The following LTBP1 variants were observed in gnomAD, a reference collection of about 807,000 sequenced individuals.
LTBP1 encodes latent transforming growth factor beta binding protein 1.
In LTBP1, 129 loss-of-function variants were observed where a neutral mutation model predicts 207.6. The observed-to-expected ratio is 0.62, with a 90% CI of 0.54 to 0.72. The LOEUF (loss-of-function observed/expected upper bound fraction) is 0.72. Ranked by LOEUF, LTBP1 falls within the 30% of genes least tolerant of loss-of-function variation. The pLI is 0.00. For synonymous variants in LTBP1, 963 were observed against 833.7 expected (o/e 1.16, Z -2.67); for missense variants, 2,281 against 2,217.2 (o/e 1.03, Z -0.58).
At chr2:33,055,895 C>A (rs1440360037) in intron 3 of LTBP1, among the ~76,000 whole-genome samples, 2 of 152,056 alleles carry the variant, frequency 1.3e-5, no homozygotes, top group African/African-American at 4.8e-5. Context: ...TCCTTCTGGG[C>A]AGGGGAGATG....
Position 33,275,820 on chromosome 2 carries a change from G to C in LTBP1, c.2889G>C (p.Arg963Ser). 6.2e-7 allele frequency: 1 copy of C among 1,614,054 alleles called. No homozygotes were observed. Among genetic ancestry groups the C allele is most frequent in the Middle Eastern group, 1.6e-4 (1 of 6,062 alleles). ...TNCIDVDECLRPDVCGEGHCV... is the reference protein window; with the variant it reads ...TNCIDVDECLSPDVCGEGHCV... ...TCGTAGATGTTGACGAATGCCTGAG[G>C]CCGGACGTCTGTGGGGAGGGGCACT... Residue 963 changes from arginine to serine, a missense_variant, in exon 18 of 34, where the codon AGG becomes AGC. Transcript: ENST00000404816.
At chr2:33,270,200 G>A (rs951124813) in intron 15 of LTBP1, among the ~76,000 whole-genome samples, 26 of 151,786 alleles carry the variant, frequency 1.7e-4, no homozygotes, top group Middle Eastern at 3.2e-3. Context: ...GATTACAGAC[G>A]TGAGCCACTG....
At chr2:33,102,575 C>T (rs913238682) in intron 3 of LTBP1, among the ~76,000 whole-genome samples, 2 of 152,050 alleles carry the variant, frequency 1.3e-5, no homozygotes, top group Non-Finnish European at 2.9e-5. Flanking sequence ...TCCCTTTTGT[C>T]TCTTTCATCT....
intron 19 of LTBP1, among the ~76,000 whole-genome samples, chr2:33,287,692 G>A (rs187965096): frequency 1.3e-5 from 2 of 152,350 alleles, no homozygotes; most frequent in Admixed American, 6.5e-5. Context: ...GATGTGCATA[G>A]CATTCATTGG....
At chr2:33,397,679 T>A (rs1355775867) in intron 33 of LTBP1, among the ~76,000 whole-genome samples, 1 of 119,506 alleles carries the variant, frequency 8.4e-6, no homozygotes, top group Non-Finnish European at 1.8e-5. Flanking sequence ...GGCTAATTTT[T>A]TTTTTTTTTT....
chr2:33,307,753 G>A (rs1463313), intron 22 of LTBP1, among the ~76,000 whole-genome samples: 122,966 of 152,208 alleles, frequency 0.81, 50,116 homozygotes, highest in African/African-American at 0.88. Flanking sequence ...CACATCACCT[G>A]TGTTTTATGT....
At chr2:33,381,283 T>G (rs2095211681) in intron 31 of LTBP1, among the ~76,000 whole-genome samples, 1 of 152,156 alleles carries the variant, frequency 6.6e-6, no homozygotes, top group South Asian at 2.1e-4. Context: ...GGTTTTAAAA[T>G]GCAAAGGAAC....
At chr2:33,380,712 C>T (rs1043179807) in intron 31 of LTBP1, among the ~76,000 whole-genome samples, 3 of 152,144 alleles carry the variant, frequency 2.0e-5, no homozygotes, top group South Asian at 4.1e-4. Context: ...ATTTTCCCCT[C>T]CTGTATTTTT....
At chr2:33,183,228 GTTGT>G (rs1275370759) in intron 5 of LTBP1, among the ~76,000 whole-genome samples, 1 of 152,160 alleles carries the variant, frequency 6.6e-6, no homozygotes, top group African/African-American at 2.4e-5. Flanking sequence ...CACTTCCAGT[GTTGT>G]CACTTTGTAT....
At position 33,362,377 on chromosome 2, in the gene LTBP1, G is replaced by A. The variant is rs546763837; in HGVS notation, c.4270+862G>A. 1.6e-4 allele frequency among the ~76,000 whole-genome samples: 25 copies of A among 152,208 alleles called. No individual in the cohort carries two copies. In the South Asian group the frequency reaches 4.8e-3, roughly 29 times the overall value. ...CTATGATTTGGTCCAATTAAATAAT[G>A]AGAAGATTTGGTTTATAATATGTGT... On this transcript the variant is annotated intron_variant, in intron 28 of 33. Transcript: ENST00000404816.
intron 2 of LTBP1, among the ~76,000 whole-genome samples, chr2:33,011,760 A>G (rs1031843752): frequency 6.6e-6 from 1 of 152,056 alleles, no homozygotes; most frequent in Non-Finnish European, 1.5e-5. Flanking sequence ...ATACTAAATC[A>G]TACTGGACCT....
At chr2:33,177,276 T>C (rs1325009979) in intron 5 of LTBP1, among the ~76,000 whole-genome samples, 1 of 152,228 alleles carries the variant, frequency 6.6e-6, no homozygotes, top group Non-Finnish European at 1.5e-5. Context: ...GTTAACTGAA[T>C]GCATGAGAAA....
At chr2:33,049,167 G>A (rs565805399) in intron 3 of LTBP1, among the ~76,000 whole-genome samples, 38 of 152,094 alleles carry the variant, frequency 2.5e-4, no homozygotes, top group Non-Finnish European at 5.1e-4. Context: ...ATAGGTGTGC[G>A]TTACATGTTA....
At position 33,075,889 on chromosome 2, in the gene LTBP1, T is replaced by G. The variant is rs2078053487; in HGVS notation, c.864-34693T>G. ...TTTTCCTAATCAATATAAATGTGCTTCTTTATTTTTCTAGGCATTAGGTCC... is the reference window on the plus strand; with the variant it reads ...TTTTCCTAATCAATATAAATGTGCTGCTTTATTTTTCTAGGCATTAGGTCC... On this transcript the variant is annotated intron_variant, in intron 3 of 33. Coordinates refer to ENST00000404816, the MANE Select transcript of LTBP1 (RefSeq NM_206943.4). Among the ~76,000 whole-genome samples, 6 of 150,696 alleles carry G rather than the reference T, an allele frequency of 4.0e-5. No individual in the cohort carries two copies. In the South Asian group the frequency reaches 1.3e-3, roughly 32 times the overall value.
intron 33 of LTBP1, 125 bp downstream of exon 33, chr2:33,397,407 A>G (rs2095368596): frequency 1.0e-6 from 1 of 989,126 alleles, no homozygotes; most frequent in African/African-American, 1.6e-5. Context: ...AGTTCTGGAG[A>G]TGTACATTAA....
At chr2:33,377,231 C>T (rs1186572510) in intron 31 of LTBP1, among the ~76,000 whole-genome samples, 2 of 152,210 alleles carry the variant, frequency 1.3e-5, no homozygotes, top group Non-Finnish European at 2.9e-5. Flanking sequence ...CCCTGGATTG[C>T]GGGTGAGTCA....
Position 33,266,288 on chromosome 2 carries a change from A to C in LTBP1, c.2617+2896A>C, listed in dbSNP as rs200241713. 1.1e-3 allele frequency among the ~76,000 whole-genome samples: 172 copies of C among 152,312 alleles called. 1 individual carries two copies. Among genetic ancestry groups the C allele is most frequent in the East Asian group, 2.9e-3 (15 of 5,180 alleles). On this transcript the variant is annotated intron_variant, in intron 15 of 33. Transcript: ENST00000404816. ...CTCTGGACATTGGGCACCAATGAGC[A>C]TGGGAGGGAAGCTGAGGGTAAGCTG... is the stretch of plus-strand genomic sequence containing the variant.
intron 5 of LTBP1, among the ~76,000 whole-genome samples, chr2:33,176,228 C>CTCTT (rs113620804): frequency 6.6e-6 from 1 of 151,212 alleles, no homozygotes; most frequent in Non-Finnish European, 1.5e-5. Context: ...ATTAATTAAT[C>CTCTT]TATTTATTTA....
At chr2:33,266,612 G>A (rs965944511) in intron 15 of LTBP1, among the ~76,000 whole-genome samples, 2 of 152,062 alleles carry the variant, frequency 1.3e-5, no homozygotes, top group African/African-American at 4.8e-5. Context: ...TCCATTCTGA[G>A]CCCATAAAAA....
Sources: allele counts gnomAD v4.1 joint callset (sites outside exome capture counted in the v4.1 genomes callset), GRCh38; gene constraint gnomAD v4.1.1; transcripts MANE v1.5; gene names NCBI Gene and HGNC (gene_info 2026-07-23, HGNC 2026-07-21).